Variants in CSMD1 observed in about 807,000 individuals in gnomAD.
CSMD1 encodes CUB and Sushi multiple domains 1.
A neutral mutation model predicts 417.5 loss-of-function variants in CSMD1; 213 were observed. The ratio of observed to expected loss-of-function variants is 0.51; its 90% CI spans 0.46 to 0.57. CSMD1 has a LOEUF of 0.57. Among genes scored for constraint, CSMD1 ranks in the 20% least tolerant of loss-of-function variants. CSMD1 has a pLI of 0.00. For synonymous variants in CSMD1, 2,862 were observed against 1,736.8 expected (o/e 1.65, Z -16.11); for missense variants, 6,923 against 4,529.7 (o/e 1.53, Z -15.17).
intron 10 of CSMD1, among the ~76,000 whole-genome samples, chr8:3,571,578 C>G (rs1010334440): frequency 3.9e-5 from 6 of 152,138 alleles, no homozygotes; most frequent in Non-Finnish European, 8.8e-5. Flanking sequence ...GTTTCCCACA[C>G]CCACGGCACC....
At chr8:4,674,715 G>A (rs1255142419) in intron 1 of CSMD1, among the ~76,000 whole-genome samples, 4 of 152,268 alleles carry the variant, frequency 2.6e-5, no homozygotes, top group East Asian at 3.9e-4. Context: ...AGAGAGTAGT[G>A]CAAATACATA....
At position 4,764,999 on chromosome 8, in the gene CSMD1, G is replaced by A. The variant is rs113619089; in HGVS notation, c.86-127441C>T. Among the ~76,000 whole-genome samples the A allele has an allele frequency of 3.7e-3, 558 of 151,342 alleles. 1 individual carries two copies. Among genetic ancestry groups the A allele is most frequent in the Non-Finnish European group, 5.8e-3 (391 of 67,944 alleles). Reference sequence around the variant, plus strand: ...TCTAGAGCTGTTTATTGAATACCCTGGAATGGCTATTTCTTGTTTAATTAA... The same window carrying A: ...TCTAGAGCTGTTTATTGAATACCCTAGAATGGCTATTTCTTGTTTAATTAA... On this transcript the variant is annotated intron_variant, in intron 1 of 69. Coordinates refer to ENST00000635120, the MANE Select transcript of CSMD1 (RefSeq NM_033225.6).
chr8:4,993,033 C>T (rs1584961614), intron 1 of CSMD1, among the ~76,000 whole-genome samples: 1 of 152,230 alleles, frequency 6.6e-6, no homozygotes, highest in South Asian at 2.1e-4. Context: ...CTCCCCCGCT[C>T]TCCAGGCAGA....
intron 1 of CSMD1, among the ~76,000 whole-genome samples, chr8:4,760,295 A>G (rs1351633643): frequency 1.3e-5 from 2 of 152,210 alleles, no homozygotes; most frequent in Non-Finnish European, 2.9e-5. Flanking sequence ...GCATGTGAAG[A>G]TAATTCTTCT....
intron 3 of CSMD1, among the ~76,000 whole-genome samples, chr8:4,253,791 A>G (rs1399011817): frequency 6.6e-6 from 1 of 151,588 alleles, no homozygotes; most frequent in African/African-American, 2.4e-5. Flanking sequence ...TTTTGCCTGT[A>G]TTTATGTGAA....
intron 1 of CSMD1, among the ~76,000 whole-genome samples, chr8:4,820,660 C>T (rs1799471924): frequency 6.6e-6 from 1 of 152,158 alleles, no homozygotes; most frequent in South Asian, 2.1e-4. Context: ...CAAGCCTGTG[C>T]TTTGCCATCA....
intron 5 of CSMD1, among the ~76,000 whole-genome samples, chr8:3,934,491 T>C (rs540906368): frequency 4.5e-4 from 68 of 152,282 alleles, no homozygotes; most frequent in African/African-American, 1.6e-3. Flanking sequence ...GTATTTTTAA[T>C]AATTGAAGGA....
intron 2 of CSMD1, among the ~76,000 whole-genome samples, chr8:4,424,449 A>G (rs894853058): frequency 2.6e-5 from 4 of 152,032 alleles, no homozygotes; most frequent in Admixed American, 6.6e-5. Flanking sequence ...ACTCTACATC[A>G]ATAGACATCA....
chr8:3,352,030 G>C (rs888028705), intron 21 of CSMD1, among the ~76,000 whole-genome samples: 1 of 151,880 alleles, frequency 6.6e-6, no homozygotes, highest in African/African-American at 2.4e-5. Flanking sequence ...AAGTCAATAA[G>C]AAAATATGAT....
In CSMD1 at chr8:3,682,263, A is replaced by C. The variant is rs557513338; in HGVS notation, c.1009+26151T>G. Among the ~76,000 whole-genome samples the C allele has an allele frequency of 4.6e-5, 7 of 152,310 alleles. No individual in the cohort carries two copies. The East Asian group carries it at 9.7e-4, about 21-fold the overall frequency. Reference sequence around the variant, plus strand: ...ATCAGAGTGAACAGGCAACCTAAAAAATGGGATAAAATTTTTGCAATCTAC... The same window carrying C: ...ATCAGAGTGAACAGGCAACCTAAAACATGGGATAAAATTTTTGCAATCTAC... On this transcript the variant is annotated intron_variant, in intron 7 of 69. Transcript: ENST00000635120.
At chr8:4,372,088 C>A (rs1214327388) in intron 3 of CSMD1, among the ~76,000 whole-genome samples, 2 of 152,176 alleles carry the variant, frequency 1.3e-5, no homozygotes, top group Non-Finnish European at 2.9e-5. Context: ...GGAAGAAAAG[C>A]CCTTTCTATC....
rs182388178 is a variant in CSMD1 at position 4,403,668 on chromosome 8, C to G, written c.415+16285G>C. On this transcript the variant is annotated intron_variant, in intron 3 of 69. Transcript: ENST00000635120. Reference sequence around the variant, plus strand: ...TTATTTGTTTTCATCTCTCTAGAGTCTAACCCCTAGAGTAACCAAAATACT... The same window carrying G: ...TTATTTGTTTTCATCTCTCTAGAGTGTAACCCCTAGAGTAACCAAAATACT... Among the ~76,000 whole-genome samples, 257 of 152,230 alleles carry G rather than the reference C, an allele frequency of 1.7e-3. 3 individuals carry two copies. Among genetic ancestry groups the G allele is most frequent in the Non-Finnish European group, 9.9e-4 (67 of 68,018 alleles).
At chr8:4,136,196 G>C (rs1051781129) in intron 3 of CSMD1, among the ~76,000 whole-genome samples, 10 of 152,168 alleles carry the variant, frequency 6.6e-5, no homozygotes, top group Non-Finnish European at 1.5e-4. Flanking sequence ...GAACAGCTAT[G>C]TGAACACAAA....
At chr8:4,304,946 G>C (rs541961091) in intron 3 of CSMD1, among the ~76,000 whole-genome samples, 1 of 151,982 alleles carries the variant, frequency 6.6e-6, no homozygotes, top group Non-Finnish European at 1.5e-5. Context: ...CTTTTATCAG[G>C]CTGTGGTATT....
At chr8:4,440,500 C>G (rs1235098842) in intron 2 of CSMD1, among the ~76,000 whole-genome samples, 1 of 152,280 alleles carries the variant, frequency 6.6e-6, no homozygotes, top group Admixed American at 6.5e-5. Context: ...TCATTTCCCT[C>G]TATAATTTCT....
chr8:3,652,770 T>C (rs1000558257), intron 7 of CSMD1, among the ~76,000 whole-genome samples: 4 of 152,088 alleles, frequency 2.6e-5, no homozygotes, highest in Non-Finnish European at 5.9e-5. Flanking sequence ...GAGATTTGGC[T>C]GGGAAAACAG....
chr8:3,902,519 G>A (rs556752348), intron 5 of CSMD1, among the ~76,000 whole-genome samples: 78 of 152,128 alleles, frequency 5.1e-4, no homozygotes, highest in African/African-American at 1.7e-3. Flanking sequence ...GAGATCATCA[G>A]CCATTAGATT....
chr8:4,392,525 A>G (rs1452221725), intron 3 of CSMD1, among the ~76,000 whole-genome samples: 1 of 152,106 alleles, frequency 6.6e-6, no homozygotes, highest in African/African-American at 2.4e-5. Flanking sequence ...GTGTGTGGAG[A>G]TGGGAGTGTC....
At chr8:4,207,696 A>G (rs566473434) in intron 3 of CSMD1, among the ~76,000 whole-genome samples, 1 of 152,254 alleles carries the variant, frequency 6.6e-6, no homozygotes, top group South Asian at 2.1e-4. Flanking sequence ...TTTCAAAAGA[A>G]ACATTTTTCT....
Sources: allele counts gnomAD v4.1 joint callset (sites outside exome capture counted in the v4.1 genomes callset), GRCh38; gene constraint gnomAD v4.1.1; transcripts MANE v1.5; gene names NCBI Gene and HGNC (gene_info 2026-07-23, HGNC 2026-07-21).